GFAP: variants seen among roughly 807,000 people sequenced by gnomAD.
The protein encoded by GFAP is intermediate filament protein.
A neutral mutation model predicts 49.3 loss-of-function variants in GFAP; 38 were observed. The observed-to-expected ratio is 0.77, with a 90% confidence interval of 0.60 to 1.01. The LOEUF is 1.01. Ranked by LOEUF, GFAP falls within the 50% of genes least tolerant of loss-of-function variation. The pLI is 0.00. For missense variants in GFAP, 463 were observed against 579.1 expected (o/e 0.80, Z 2.06); for synonymous variants, 222 against 236.4 (o/e 0.94, Z 0.56).
chr17:44,908,426 C>T (rs934619151), intron 7 of GFAP: 5 of 375,864 alleles, frequency 1.3e-5, no homozygotes, highest in Admixed American at 1.3e-4. Flanking sequence ...AAACCCAGCA[C>T]GGTATTGAAA....
rs1347539627 is a variant in GFAP, at chr17:44,915,351, G to C, written c.136C>G (p.Leu46Val). 1 of 1,612,198 alleles carries C rather than the reference G, an allele frequency of 6.2e-7. No homozygotes were observed. Among genetic ancestry groups the C allele is most frequent in the Admixed American group, 1.7e-5 (1 of 59,996 alleles). The stretch of plus-strand genomic sequence containing the variant: ...AGGGAGAAATCCACCCGGGTCGGGA[G>C]TGGAGGGGGCATTCGAGCCAGGGAG... Reference protein sequence around the residue: ...RLSLARMPPPLPTRVDFSLAG... With the variant: ...RLSLARMPPPVPTRVDFSLAG... Residue 46 changes from leucine to valine, a missense_variant, in exon 1 of 9, where the codon CTC becomes GTC. By Grantham distance (32) the Leu-to-Val change is conservative. Coordinates refer to ENST00000588735, the MANE Select transcript of GFAP (RefSeq NM_002055.5). The surrounding 1 kb of genome is among the most constrained non-coding windows in gnomAD (Gnocchi z 4.1).
Position 44,907,234 on chromosome 17 carries a change from G to T in GFAP, c.*113C>A. On this transcript the variant is annotated 3_prime_UTR_variant, in exon 9 of 9. Coordinates refer to ENST00000588735, the MANE Select transcript of GFAP (RefSeq NM_002055.5). ...GACAGAGGAGGGAGGGGAGCAGCTG[G>T]GGTGGTGGGGAGCTCAGGTCTGGGG... is the stretch of plus-strand genomic sequence containing the variant. 1 of 961,392 alleles carries T rather than the reference G, an allele frequency of 1.0e-6. No homozygotes were observed. The highest frequency in any genetic ancestry group is 1.7e-6 in the Non-Finnish European group (1 of 593,302). The allele number at this position is 961,392 out of a possible 1,614,324, so 59.6% of individuals were successfully genotyped here. A position where few individuals can be genotyped will look rare whatever the true frequency, so the allele number is the denominator to read the frequency against.
rs749865965 is a variant in GFAP at position 44,904,201 on chromosome 17, C to G, written c.*3146G>C. ...AGTCTGAGGACTCAGGCCTGTACTTCTGCGGCACCCGCAAGGGGGACTACT... is the reference window on the plus strand; with the variant it reads ...AGTCTGAGGACTCAGGCCTGTACTTGTGCGGCACCCGCAAGGGGGACTACT... On this transcript the variant is annotated 3_prime_UTR_variant, in exon 9 of 9. Transcript: ENST00000588735. 1 of 1,550,550 alleles carries G rather than the reference C, an allele frequency of 6.4e-7. No individual in the cohort carries two copies. Among genetic ancestry groups the G allele is most frequent in the East Asian group, 2.4e-5 (1 of 40,924 alleles).
At chr17:44,911,625 G>T (rs1479790722) in intron 5 of GFAP, 47 bp downstream of exon 5, 1 of 1,603,196 alleles carries the variant, frequency 6.2e-7, no homozygotes, top group Non-Finnish European at 8.5e-7. Flanking sequence ...CTCCTGGGGT[G>T]GCCGTCCCTG....
intron 2 of GFAP, 52 bp downstream of exon 2, chr17:44,913,976 T>G: frequency 7.3e-7 from 1 of 1,365,510 alleles, no homozygotes; most frequent in South Asian, 1.2e-5. Context: ...TTTGGGTGGG[T>G]GGCCATCAAT....
intron 7 of GFAP, chr17:44,909,626 C>CCCG (rs1555573679): frequency 7.9e-6 from 1 of 126,584 alleles, no homozygotes; most frequent in Non-Finnish European, 1.6e-5. Context: ...CCCCTCCCCC[C>CCCG]GCCCCGCCCG....
At chr17:44,912,892 G>T in intron 4 of GFAP, 1 of 308,720 alleles carries the variant, frequency 3.2e-6, no homozygotes, top group East Asian at 8.2e-5. Flanking sequence ...AGATGTGCTA[G>T]AGTTGGAAAT....
Position 44,908,225 on chromosome 17 carries a change from A to T in GFAP, c.1172-76T>A, listed in dbSNP as rs752453941. ...ATCCTCTCCCATGCCCGGCTTCCCCATCGCACCCCCCTCCCCATCATGAGT... is the reference window on the plus strand; with the variant it reads ...ATCCTCTCCCATGCCCGGCTTCCCCTTCGCACCCCCCTCCCCATCATGAGT... On this transcript the variant is annotated intron_variant, in intron 7 of 8. Coordinates refer to ENST00000588735, the MANE Select transcript of GFAP (RefSeq NM_002055.5). The T allele has an allele frequency of 4.2e-6, 4 of 954,510 alleles. No individual in the cohort carries two copies. The East Asian group carries it at 9.6e-5, about 23-fold the overall frequency. 59.1% of individuals were successfully genotyped at this position (954,510 alleles called of 1,614,324 possible). A position where few individuals can be genotyped will look rare whatever the true frequency, so the allele number is the denominator to read the frequency against.
chr17:44,913,373 C>T lies in GFAP; in HGVS notation c.676G>A (p.Val226Met), dbSNP rs149883728. ...ARQQVHVELD[V>M]AKPDLTAALK... ...GCTGCGGTGAGGTCTGGCTTGGCCACGTCAAGCTCCACATGGACCTGCTGT... is the reference window on the plus strand; with the variant it reads ...GCTGCGGTGAGGTCTGGCTTGGCCATGTCAAGCTCCACATGGACCTGCTGT... The change falls in exon 4 of 9, where the codon GTG becomes ATG. Residue 226 changes from valine (V) to methionine (M), a missense_variant. Transcript: ENST00000588735. 466 of 1,614,046 alleles carry T rather than the reference C, an allele frequency of 2.9e-4. No individual in the cohort carries two copies. The highest frequency in any genetic ancestry group is 3.8e-4 in the Non-Finnish European group (444 of 1,180,010).
chr17:44,907,061 T>C lies in GFAP; in HGVS notation c.*286A>G. On this transcript the variant is annotated 3_prime_UTR_variant, in exon 9 of 9. Coordinates refer to ENST00000588735, the MANE Select transcript of GFAP (RefSeq NM_002055.5). The stretch of plus-strand genomic sequence containing the variant: ...CGCCCTCCTCCCCTTCTCTCCTTCC[T>C]CCTCATTCTAACGCAAGCTGCTGGC... The C allele has an allele frequency of 1.9e-6, 1 of 540,092 alleles. No homozygotes were observed. The highest frequency in any genetic ancestry group is 3.4e-6 in the Non-Finnish European group (1 of 297,558). 33.5% of individuals were successfully genotyped at this position (540,092 alleles called of 1,614,324 possible).
At chr17:44,914,989 C>G (rs2051872731) in intron 1 of GFAP, 37 bp downstream of exon 1, 17 of 1,563,282 alleles carry the variant, frequency 1.1e-5, no homozygotes, top group Non-Finnish European at 1.4e-5. Flanking sequence ...TCAGCCCCTT[C>G]TGCTCACAAG....
rs267607509 is a variant in GFAP, at chr17:44,915,105, C to T, written c.382G>A (p.Asp128Asn). Residue 128 changes from aspartate to asparagine, a missense_variant, in exon 1 of 9, where the codon GAT (aspartate) becomes AAT (asparagine). Coordinates refer to ENST00000588735, the MANE Select transcript of GFAP (RefSeq NM_002055.5). The surrounding 1 kb of genome is among the most constrained non-coding windows in gnomAD (Gnocchi z 4.1). ...CGGGCGCTGTTGGCGGTGAGTTGAT[C>T]GAGCCGCAGCCGCAGCTCTCGCAGC... ...AELRELRLRL[D>N]QLTANSARLE... 1.2e-6 allele frequency: 2 copies of T among 1,613,304 alleles called. No individual in the cohort carries two copies. The highest frequency in any genetic ancestry group is 1.7e-6 in the Non-Finnish European group (2 of 1,179,936).
chr17:44,911,624 T>C, intron 5 of GFAP, 48 bp downstream of exon 5: 2 of 1,602,894 alleles, frequency 1.2e-6, no homozygotes, highest in Admixed American at 1.7e-5. Context: ...TCTCCTGGGG[T>C]GGCCGTCCCT....
At position 44,911,735 on chromosome 17, in the gene GFAP, T is replaced by G; in HGVS notation, c.843A>C (p.Glu281Asp). The change falls in exon 5 of 9, where the codon GAA becomes GAC. Residue 281 changes from glutamate to aspartate, a missense_variant. Glu to Asp is a conservative substitution (Grantham distance 45). Coordinates refer to ENST00000588735, the MANE Select transcript of GFAP (RefSeq NM_002055.5). The part of the protein sequence containing the change: ...NAELLRQAKH[E>D]ANDYRRQLQS... Reference sequence around the variant, plus strand: ...GCAACTGGCGCCGGTAGTCGTTGGCTTCGTGCTTGGCCTGGCGGAGCAGCT... The same window carrying G: ...GCAACTGGCGCCGGTAGTCGTTGGCGTCGTGCTTGGCCTGGCGGAGCAGCT... 1 of 1,614,042 alleles carries G rather than the reference T, an allele frequency of 6.2e-7. No homozygotes were observed. The highest frequency in any genetic ancestry group is 2.2e-5 in the East Asian group (1 of 44,876).
Position 44,904,448 on chromosome 17 carries a change from G to GC in GFAP, c.*2898dup, listed in dbSNP as rs1567767469. On this transcript the variant is annotated 3_prime_UTR_variant, in exon 9 of 9. Coordinates refer to ENST00000588735, the MANE Select transcript of GFAP (RefSeq NM_002055.5). ...AGACCTCTCCCCACGCTACCTCAAG[G>GC]CCGTGCCCGATGTGGTGTCTTGTGG... The GC allele has an allele frequency of 6.5e-7, 1 of 1,542,718 alleles. No homozygotes were observed. Among genetic ancestry groups the GC allele is most frequent in the African/African-American group, 1.4e-5 (1 of 72,886 alleles).
Position 44,913,278 on chromosome 17 carries a change from G to A in GFAP, c.771C>T (p.Tyr257=). The change falls in exon 4 of 9, where the codon TAC becomes TAT. Residue 257 remains tyrosine (Y), a synonymous_variant. Transcript: ENST00000588735. ...CCACAGGCAGGGCTACCTTGGAGCG[G>A]TACCACTCTTCGGCTTCATGCATGT... The part of the protein sequence containing the change: ...SSNMHEAEEW[Y]RSKFADLTDA... 2 of 1,614,108 alleles carry A rather than the reference G, an allele frequency of 1.2e-6. No homozygotes were observed. The highest frequency in any genetic ancestry group is 2.2e-5 in the East Asian group (1 of 44,876).
In GFAP at chr17:44,903,604, C is replaced by G. The variant is rs886053015; in HGVS notation, c.*3743G>C. 6 of 1,405,360 alleles carry G rather than the reference C, an allele frequency of 4.3e-6. No homozygotes were observed. The highest frequency in any genetic ancestry group is 3.2e-5 in the Admixed American group (1 of 30,832). The allele number at this position is 1,405,360 out of a possible 1,614,324, so 87.1% of individuals were successfully genotyped here. On this transcript the variant is annotated 3_prime_UTR_variant, in exon 9 of 9. Transcript: ENST00000588735. Reference sequence around the variant, plus strand: ...CCAGGTTCTAGAATGGCTTTCCCCCCCCACCCTGAGATCAGGTCTGGAATG... The same window carrying G: ...CCAGGTTCTAGAATGGCTTTCCCCCGCCACCCTGAGATCAGGTCTGGAATG...
At position 44,905,652 on chromosome 17, in the gene GFAP, A is replaced by G. The variant is rs149747152; in HGVS notation, c.*1695T>C. 2.9e-4 allele frequency: 44 copies of G among 153,720 alleles called. No individual in the cohort carries two copies. Among genetic ancestry groups the G allele is most frequent in the Non-Finnish European group, 5.9e-4 (41 of 69,176 alleles). 9.5% of individuals were successfully genotyped at this position (153,720 alleles called of 1,614,324 possible). On this transcript the variant is annotated 3_prime_UTR_variant, in exon 9 of 9. Coordinates refer to ENST00000588735, the MANE Select transcript of GFAP (RefSeq NM_002055.5). ...GGGGAAGGGCGCAGCATTTGTCTTT[A>G]TTTTTCCTCAGCGACTAAAGGCAGC...
intron 6 of GFAP, 76 bp from the exon 7 acceptor site, chr17:44,910,734 C>G: frequency 1.3e-6 from 2 of 1,545,998 alleles, no homozygotes; most frequent in Non-Finnish European, 1.7e-6. Flanking sequence ...GCGGGGCCAT[C>G]ATGACAACTT....
Sources: allele counts gnomAD v4.1 joint callset, GRCh38; gene constraint gnomAD v4.1.1; non-coding constraint Gnocchi (gnomAD v3.1); transcripts MANE v1.5; gene names NCBI Gene and HGNC (gene_info 2026-07-23, HGNC 2026-07-21).